The following IARS2 variants were observed in gnomAD, a reference collection of about 807,000 sequenced individuals.
IARS2 encodes the protein isoleucine--tRNA ligase, mitochondrial.
A neutral mutation model predicts 126.3 loss-of-function variants in IARS2; 56 were observed. The observed-to-expected ratio is 0.44, with a 90% confidence interval of 0.36 to 0.55. IARS2 has a LOEUF of 0.55. IARS2 is among the 20% of genes least tolerant of loss of function. The pLI is 0.00. For synonymous variants in IARS2, 407 were observed against 441.1 expected, an observed-to-expected ratio of 0.92 and a Z score of 0.97; for missense variants, 1,127 against 1,245.9, an observed-to-expected ratio of 0.90 and a Z score of 1.44.
At chr1:220,109,226 C>T (rs2102822005) in intron 10 of IARS2, among the ~76,000 whole-genome samples, 1 of 152,090 alleles carries the variant, frequency 6.6e-6, no homozygotes, top group Non-Finnish European at 1.5e-5. Context: ...TGGTGAAACC[C>T]TGTGTCTACT....
At chr1:220,096,563 A>G (rs1270708491) in intron 2 of IARS2, among the ~76,000 whole-genome samples, 1 of 152,234 alleles carries the variant, frequency 6.6e-6, no homozygotes, top group Admixed American at 6.5e-5. Context: ...TGGCCCACAG[A>G]TATCAATAAT....
At chr1:220,099,232 GAAAT>G (rs1656515561) in intron 2 of IARS2, among the ~76,000 whole-genome samples, 2 of 97,588 alleles carry the variant, frequency 2.0e-5, no homozygotes, top group African/African-American at 5.0e-5. Context: ...AAAAAAAAAA[GAAAT>G]AAATATAATG....
chr1:220,136,753 TC>T, intron 15 of IARS2, 55 bp from the exon 16 acceptor site: 1 of 921,976 alleles, frequency 1.1e-6, no homozygotes, highest in African/African-American at 1.7e-5. Context: ...TACCTAATCT[TC>T]AAAAAGATAA....
rs751584838 is a variant in IARS2 at position 220,140,251 on chromosome 1, A to G, written c.2376A>G (p.Arg792=). ...VVRLLRTFYT[R]ELSNFYFSII... is the part of the protein sequence containing the mutation. The stretch of plus-strand genomic sequence containing the variant: ...GGCTGTTACGGACGTTTTATACCAG[A>G]GAGCTCTCTAACTTTTATTTCAGTA... Residue 792 remains arginine (R), a synonymous_variant, in exon 19 of 23, where the codon AGA becomes AGG. Transcript: ENST00000366922. 2 of 1,610,714 alleles carry G rather than the reference A, an allele frequency of 1.2e-6. No homozygotes were observed. The highest frequency in any genetic ancestry group is 1.7e-6 in the Non-Finnish European group (2 of 1,177,066).
intron 14 of IARS2, among the ~76,000 whole-genome samples, chr1:220,127,948 G>A (rs887854679): frequency 6.6e-6 from 1 of 151,958 alleles, no homozygotes; most frequent in African/African-American, 2.4e-5. Flanking sequence ...TGCAAGTTTA[G>A]GTACTTGGTT....
At chr1:220,134,766 T>C (rs568590434) in intron 15 of IARS2, 93 of 233,456 alleles carry the variant, frequency 4.0e-4, no homozygotes, top group African/African-American at 2.1e-3. Context: ...TTTGTTGTTG[T>C]TGTTTTTTTT....
intron 14 of IARS2, among the ~76,000 whole-genome samples, chr1:220,128,566 C>A (rs1657197983): frequency 6.6e-6 from 1 of 152,110 alleles, no homozygotes. Context: ...CTCTATTAAG[C>A]AATGCATGAC....
At chr1:220,128,151 C>A (rs902083336) in intron 14 of IARS2, among the ~76,000 whole-genome samples, 1 of 150,396 alleles carries the variant, frequency 6.6e-6, no homozygotes, top group African/African-American at 2.5e-5. Context: ...GATTTGAAAC[C>A]CACATATAGA....
chr1:220,141,676 T>C, intron 19 of IARS2, 127 bp from the exon 20 acceptor site: 4 of 927,516 alleles, frequency 4.3e-6, no homozygotes, highest in Non-Finnish European at 5.0e-6. Flanking sequence ...ATTGTATTCT[T>C]TAAGTAGAAG....
At chr1:220,133,505 A>G (rs1657310540) in intron 14 of IARS2, among the ~76,000 whole-genome samples, 1 of 152,224 alleles carries the variant, frequency 6.6e-6, no homozygotes. Context: ...TCTTTCTTAC[A>G]TGAAGATTAC....
chr1:220,103,950 A>G (rs1656630933), intron 8 of IARS2, among the ~76,000 whole-genome samples: 1 of 152,220 alleles, frequency 6.6e-6, no homozygotes, highest in Non-Finnish European at 1.5e-5. Context: ...TTCAGAAAGC[A>G]GTTCTTCTAT....
chr1:220,103,481 C>T lies in IARS2; in HGVS notation c.985C>T (p.Leu329Phe). 2 of 1,612,840 alleles carry T rather than the reference C, an allele frequency of 1.2e-6. No individual in the cohort carries two copies. Among genetic ancestry groups the T allele is most frequent in the South Asian group, 2.2e-5 (2 of 91,010 alleles). ...AVVKCSKSGD[L>F]YVLAADKVAS... ...TGTGAAATGTTCTAAGTCTGGAGAC[C>T]TCTACGTACTGGCGGCAGATAAAGT... Residue 329 changes from leucine to phenylalanine, a missense_variant, in exon 8 of 23, where the codon CTC becomes TTC. Leu to Phe is a conservative substitution (Grantham distance 22, BLOSUM62 0). Coordinates refer to ENST00000366922, the MANE Select transcript of IARS2 (RefSeq NM_018060.4).
intron 18 of IARS2, 139 bp from the exon 19 acceptor site, chr1:220,140,044 C>T: frequency 1.5e-6 from 1 of 651,400 alleles, no homozygotes; most frequent in Non-Finnish European, 2.7e-6. Context: ...TGGAAGATTC[C>T]CAGGAGTTCT....
chr1:220,117,871 A>G, intron 12 of IARS2: 1 of 527,638 alleles, frequency 1.9e-6, no homozygotes, highest in Non-Finnish European at 3.9e-6. Context: ...GCACAGTCAT[A>G]CAGAATATTG....
At chr1:220,115,131 A>G (rs1656888438) in intron 12 of IARS2, among the ~76,000 whole-genome samples, 1 of 152,134 alleles carries the variant, frequency 6.6e-6, no homozygotes, top group Non-Finnish European at 1.5e-5. Context: ...GCACATACAT[A>G]TGTTTATACA....
At chr1:220,112,124 C>CTTTTTTTTT (rs1279509771) in intron 11 of IARS2, among the ~76,000 whole-genome samples, 5 of 114,756 alleles carry the variant, frequency 4.4e-5, no homozygotes, top group Non-Finnish European at 9.2e-5. Context: ...CGACCACCTA[C>CTTTTTTTTT]TTTTTTTTTT....
At chr1:220,106,758 G>A (rs571092998) in intron 9 of IARS2, among the ~76,000 whole-genome samples, 5 of 151,108 alleles carry the variant, frequency 3.3e-5, no homozygotes, top group South Asian at 4.2e-4. Flanking sequence ...TCAGCCTCCC[G>A]AGTAGCTGGG....
chr1:220,138,039 G>A lies in IARS2; in HGVS notation c.2171G>A (p.Ser724Asn), dbSNP rs141810297. ...CTCAATGCTGCCAGAGATGATATTA[G>A]CAAGGTTAGAACTATTATTCTTCCT... Reference protein sequence around the residue: ...SVLNAARDDISKLRNTLRFLL... With the variant: ...SVLNAARDDINKLRNTLRFLL... Residue 724 changes from serine to asparagine, a missense_variant, in exon 17 of 23, where the codon AGC becomes AAC. Transcript: ENST00000366922. 2.2e-5 allele frequency: 35 copies of A among 1,614,066 alleles called. No individual in the cohort carries two copies. The African/African-American group carries it at 3.9e-4, about 18-fold the overall frequency.
intron 14 of IARS2, among the ~76,000 whole-genome samples, chr1:220,132,988 G>C (rs1657300060): frequency 6.6e-6 from 1 of 151,222 alleles, no homozygotes. Context: ...TTTTCCCCTT[G>C]GTAACACCCA....
Sources: allele counts gnomAD v4.1 joint callset (sites outside exome capture counted in the v4.1 genomes callset), GRCh38; gene constraint gnomAD v4.1.1; transcripts MANE v1.5; gene names NCBI Gene and HGNC (gene_info 2026-07-23, HGNC 2026-07-21).